Variants in RAB38 observed in about 807,000 individuals in gnomAD.
The protein encoded by RAB38 is ras-related protein Rab-38.
Under a neutral mutation model 18.4 loss-of-function variants are expected in RAB38, and 15 were observed. That is an observed-to-expected ratio of 0.82 (90% CI 0.55 to 1.26). The LOEUF is 1.26. Ranked by LOEUF, RAB38 falls within the 50% of genes most tolerant of loss-of-function variation. The pLI is 0.00. For synonymous variants in RAB38, 101 were observed against 104.4 expected (o/e 0.97, Z 0.20); for missense variants, 294 against 267.4 (o/e 1.10, Z -0.69).
chr11:87,974,917 G>T, the RAB38 span, among the ~76,000 whole-genome samples: 1 of 151,770 alleles, frequency 6.6e-6, no homozygotes, highest in African/African-American at 2.4e-5. Flanking sequence ...CCACAAACTG[G>T]GTGGCTTAAC....
the RAB38 span, among the ~76,000 whole-genome samples, chr11:87,908,484 T>G: frequency 6.6e-6 from 1 of 152,048 alleles, no homozygotes; most frequent in Admixed American, 6.6e-5. Flanking sequence ...ATTAAATTGA[T>G]GTTCAACAGA....
intron 2 of RAB38, among the ~76,000 whole-genome samples, chr11:88,132,881 A>G (rs1270434927): frequency 6.6e-6 from 1 of 152,256 alleles, no homozygotes; most frequent in Non-Finnish European, 1.5e-5. Context: ...AGTTCAAGTT[A>G]TCAATAGTTT....
chr11:87,837,706 A>G, the RAB38 span, among the ~76,000 whole-genome samples: 1 of 152,216 alleles, frequency 6.6e-6, no homozygotes, highest in Non-Finnish European at 1.5e-5. Context: ...GATCTATGTA[A>G]CTAAGGATCA....
the RAB38 span, among the ~76,000 whole-genome samples, chr11:87,867,911 C>G: frequency 6.6e-6 from 1 of 151,686 alleles, no homozygotes; most frequent in African/African-American, 2.4e-5. Flanking sequence ...ACCCAAGTCA[C>G]CTGGCCCTAA....
chr11:88,072,131 A>G, the RAB38 span, among the ~76,000 whole-genome samples: 45,579 of 152,198 alleles, frequency 0.3, 7,195 homozygotes, highest in Non-Finnish European at 0.36. Context: ...AATGATTCAT[A>G]TGCTGGAAAT....
At chr11:87,838,303 A>G in the RAB38 span, among the ~76,000 whole-genome samples, 1 of 151,812 alleles carries the variant, frequency 6.6e-6, no homozygotes, top group Non-Finnish European at 1.5e-5. Context: ...TTTAGTAGAG[A>G]CGGAGTTTCA....
At chr11:87,917,834 C>T in the RAB38 span, 1 of 151,962 alleles carries the variant, frequency 6.6e-6, no homozygotes, top group Non-Finnish European at 1.5e-5. Flanking sequence ...TTGATTGTTC[C>T]TCATTTAAAC....
chr11:87,841,235 C>T, the RAB38 span, among the ~76,000 whole-genome samples: 2 of 151,970 alleles, frequency 1.3e-5, no homozygotes, highest in South Asian at 4.1e-4. Flanking sequence ...TGAGAGGGAC[C>T]CAGTGAGAAG....
At chr11:88,147,433 T>C (rs1943002730) in intron 2 of RAB38, among the ~76,000 whole-genome samples, 1 of 152,164 alleles carries the variant, frequency 6.6e-6, no homozygotes, top group Non-Finnish European at 1.5e-5. Context: ...GTCTCCCTTG[T>C]GCCTGGAGGC....
At chr11:87,945,037 G>A in the RAB38 span, among the ~76,000 whole-genome samples, 4 of 152,258 alleles carry the variant, frequency 2.6e-5, no homozygotes, top group African/African-American at 2.4e-5. Flanking sequence ...CTAGACAAAT[G>A]TAAGAGAGTT....
the RAB38 span, among the ~76,000 whole-genome samples, chr11:87,937,716 A>C: frequency 1.3e-5 from 2 of 152,100 alleles, no homozygotes; most frequent in African/African-American, 2.4e-5. Flanking sequence ...AAGCCCGTCT[A>C]CTGAGTGTTT....
At chr11:88,007,485 T>C in the RAB38 span, among the ~76,000 whole-genome samples, 469 of 151,996 alleles carry the variant, frequency 3.1e-3, 3 homozygotes, top group African/African-American at 0.011. Flanking sequence ...TGATCAAAAA[T>C]TACATGAGAA....
the RAB38 span, among the ~76,000 whole-genome samples, chr11:88,031,817 C>G: frequency 2.0e-5 from 3 of 152,244 alleles, no homozygotes; most frequent in East Asian, 3.9e-4. Flanking sequence ...AGGTAATTTA[C>G]AGATTCAATA....
intron 2 of RAB38, among the ~76,000 whole-genome samples, chr11:88,114,897 T>C (rs1307368430): frequency 6.6e-6 from 1 of 152,236 alleles, no homozygotes; most frequent in African/African-American, 2.4e-5. Context: ...CACTGAGATT[T>C]GAGGTTATTA....
chr11:88,006,494 G>A, the RAB38 span, among the ~76,000 whole-genome samples: 8,985 of 150,470 alleles, frequency 0.06, 316 homozygotes, highest in South Asian at 0.096. Context: ...TATTGCTGCA[G>A]TATTCACAAT....
the RAB38 span, among the ~76,000 whole-genome samples, chr11:88,048,679 T>C: frequency 1.3e-5 from 2 of 152,156 alleles, no homozygotes; most frequent in African/African-American, 4.8e-5. Flanking sequence ...CCTACTGTCT[T>C]CTGTCTAGCC....
chr11:87,907,768 C>A, the RAB38 span, among the ~76,000 whole-genome samples: 1 of 151,554 alleles, frequency 6.6e-6, no homozygotes, highest in African/African-American at 2.4e-5. Flanking sequence ...CTTAGTAACT[C>A]ATTGGAAATT....
At chr11:88,020,653 T>C in the RAB38 span, among the ~76,000 whole-genome samples, 20 of 152,264 alleles carry the variant, frequency 1.3e-4, no homozygotes, top group African/African-American at 4.6e-4. Context: ...AACACACATT[T>C]TTCTCCTCAG....
At chr11:88,007,414 G>A in the RAB38 span, among the ~76,000 whole-genome samples, 1 of 147,262 alleles carries the variant, frequency 6.8e-6, no homozygotes, top group African/African-American at 2.4e-5. Context: ...AATAATTTCT[G>A]CAAATCAATA....
Sources: allele counts gnomAD v4.1 joint callset (sites outside exome capture counted in the v4.1 genomes callset), GRCh38; gene constraint gnomAD v4.1.1; transcripts MANE v1.5; gene names NCBI Gene and HGNC (gene_info 2026-07-23, HGNC 2026-07-21).